The following CHN2 variants were observed in gnomAD, a reference collection of about 807,000 sequenced individuals.
CHN2 encodes chimerin 2, also known as beta-chimaerin.
In CHN2, 35 loss-of-function variants were observed where a neutral mutation model predicts 56.3. The ratio of observed to expected loss-of-function variants is 0.62; its 90% CI spans 0.47 to 0.82. The LOEUF is 0.82. Ranked by LOEUF, CHN2 falls within the 40% of genes least tolerant of loss-of-function variation. CHN2 has a pLI of 0.00. For missense variants in CHN2, 491 were observed against 580.5 expected (o/e 0.85, Z 1.58); for synonymous variants, 210 against 212.8 (o/e 0.99, Z 0.12).
chr7:29,189,414 AAG>A (rs1404238581), intron 2 of CHN2, among the ~76,000 whole-genome samples: 1 of 152,188 alleles, frequency 6.6e-6, no homozygotes, highest in Non-Finnish European at 1.5e-5. Flanking sequence ...TTCATAGAAA[AAG>A]AGCATAAAGC....
intron 1 of CHN2, among the ~76,000 whole-genome samples, chr7:29,344,220 C>T (rs1298602401): frequency 6.6e-6 from 1 of 152,140 alleles, no homozygotes; most frequent in African/African-American, 2.4e-5. Context: ...CTGGACAGTC[C>T]CTTGATTGGT....
chr7:29,265,795 G>C (rs1217360046), intron 1 of CHN2, among the ~76,000 whole-genome samples: 1 of 152,182 alleles, frequency 6.6e-6, no homozygotes, highest in African/African-American at 2.4e-5. Flanking sequence ...CTGTAGTACA[G>C]AGAGCATCCT....
chr7:29,234,138 C>T (rs1786984441), intron 1 of CHN2, among the ~76,000 whole-genome samples: 1 of 152,084 alleles, frequency 6.6e-6, no homozygotes, highest in African/African-American at 2.4e-5. Flanking sequence ...CGGCCAACAC[C>T]TTGATTTTAC....
At chr7:29,406,125 CT>C (rs746147320) in intron 6 of CHN2, among the ~76,000 whole-genome samples, 48 of 152,304 alleles carry the variant, frequency 3.2e-4, no homozygotes, top group Non-Finnish European at 6.2e-4. Context: ...TTTGCTTTTT[CT>C]CTAGGACAGA....
rs1384909146 is a variant in CHN2, at chr7:29,252,585, T to TTG, written c.49+57596_49+57597insGT. ...TCTAAAATTGCATTCTTTGTTTTTT[T>TTG]TTTTTTTTTTTTTTTTTTTTTGAGA... On this transcript the variant is annotated intron_variant, in intron 1 of 12. Coordinates refer to ENST00000222792, the MANE Select transcript of CHN2 (RefSeq NM_004067.4). Among the ~76,000 whole-genome samples, 2 of 23,092 alleles carry TTG rather than the reference T, an allele frequency of 8.7e-5. 1 individual carries two copies. The highest frequency in any genetic ancestry group is 8.5e-4 in the African/African-American group (2 of 2,348). The allele number at this position is 23,092 out of a possible 152,430, so 15.1% of individuals were successfully genotyped here.
chr7:29,334,292 C>T (rs938075343), intron 1 of CHN2, among the ~76,000 whole-genome samples: 1 of 152,012 alleles, frequency 6.6e-6, no homozygotes, highest in Non-Finnish European at 1.5e-5. Context: ...CTCAAGTGAT[C>T]CACTCGCCTT....
intron 12 of CHN2, among the ~76,000 whole-genome samples, chr7:29,510,817 G>C (rs978535085): frequency 2.0e-5 from 3 of 152,182 alleles, no homozygotes; most frequent in Non-Finnish European, 4.4e-5. Flanking sequence ...GGCATGGATC[G>C]CTGAGGTCCA....
At chr7:29,372,956 T>C (rs910646143) in intron 3 of CHN2, among the ~76,000 whole-genome samples, 1 of 152,250 alleles carries the variant, frequency 6.6e-6, no homozygotes, top group Non-Finnish European at 1.5e-5. Flanking sequence ...AATATGGGAT[T>C]ATAAAAAGCA....
chr7:29,436,013 C>A (rs1462186767), intron 6 of CHN2, among the ~76,000 whole-genome samples: 1 of 151,530 alleles, frequency 6.6e-6, no homozygotes, highest in African/African-American at 2.4e-5. Flanking sequence ...TCTTCTCTCA[C>A]TAGATTTTGC....
chr7:29,299,461 C>A (rs1008281916), intron 1 of CHN2, among the ~76,000 whole-genome samples: 1 of 152,092 alleles, frequency 6.6e-6, no homozygotes, highest in Admixed American at 6.6e-5. Flanking sequence ...GTTTTCTGTT[C>A]TAGTACTTTC....
chr7:29,374,102 A>T (rs1440633250), intron 3 of CHN2, among the ~76,000 whole-genome samples: 1 of 152,158 alleles, frequency 6.6e-6, no homozygotes, highest in Admixed American at 6.5e-5. Context: ...CTTGCAGAAA[A>T]ACTATTCCTT....
intron 1 of CHN2, among the ~76,000 whole-genome samples, chr7:29,317,741 T>G (rs1795059813): frequency 6.6e-6 from 1 of 151,896 alleles, no homozygotes; most frequent in African/African-American, 2.4e-5. Context: ...GTGGGACATA[T>G]GAGATATGAG....
intron 1 of CHN2, among the ~76,000 whole-genome samples, chr7:29,259,807 C>T (rs1789397237): frequency 6.6e-6 from 1 of 152,094 alleles, no homozygotes. Flanking sequence ...GCTATGTATA[C>T]ATATATCAAA....
At chr7:29,402,073 C>T (rs181065215) in intron 6 of CHN2, among the ~76,000 whole-genome samples, 3 of 152,294 alleles carry the variant, frequency 2.0e-5, no homozygotes, top group African/African-American at 2.4e-5. Flanking sequence ...TAAACCGGAA[C>T]GGGCCTCCCG....
At chr7:29,305,675 C>T (rs11771116) in intron 1 of CHN2, among the ~76,000 whole-genome samples, 45,524 of 151,986 alleles carry the variant, frequency 0.3, 6,951 homozygotes, top group East Asian at 0.35. Context: ...GTGTAGAAAG[C>T]CACACTGGCT....
intron 3 of CHN2, among the ~76,000 whole-genome samples, chr7:29,387,462 C>G (rs1387926992): frequency 6.6e-6 from 1 of 152,204 alleles, no homozygotes; most frequent in African/African-American, 2.4e-5. Context: ...TGAATATTTG[C>G]TATTGGGACT....
chr7:29,299,822 A>G (rs1014140095), intron 1 of CHN2, among the ~76,000 whole-genome samples: 1 of 152,236 alleles, frequency 6.6e-6, no homozygotes, highest in Non-Finnish European at 1.5e-5. Flanking sequence ...TTTAAGAAAC[A>G]AGTAGACAAC....
rs1789002294 is a variant in CHN2 at position 29,494,340 on chromosome 7, G to C, written c.655-1612G>C. On this transcript the variant is annotated intron_variant, in intron 7 of 12. Coordinates refer to ENST00000222792, the MANE Select transcript of CHN2 (RefSeq NM_004067.4). Reference sequence around the variant, plus strand: ...TTATATTTAATTGATCTTCACAGCAGATTAACAATTGACTTTGCTGCCATA... The same window carrying C: ...TTATATTTAATTGATCTTCACAGCACATTAACAATTGACTTTGCTGCCATA... Among the ~76,000 whole-genome samples the C allele has an allele frequency of 2.0e-5, 3 of 151,898 alleles. No homozygotes were observed. The South Asian group carries it at 6.2e-4, about 32-fold the overall frequency.
chr7:29,320,424 G>C (rs753674756), intron 1 of CHN2, among the ~76,000 whole-genome samples: 2 of 152,158 alleles, frequency 1.3e-5, no homozygotes, highest in African/African-American at 4.8e-5. Flanking sequence ...CCTTGCAAAG[G>C]TTTGCCAGGG....
Sources: gnomAD v4.1 joint callset for allele counts (sites outside exome capture counted in the v4.1 genomes callset) on GRCh38, gnomAD v4.1.1 for gene constraint, MANE v1.5 for transcripts, NCBI Gene and HGNC (gene_info 2026-07-23, HGNC 2026-07-21) for gene names.